The following SLC25A21 variants were observed in gnomAD, a reference collection of about 807,000 sequenced individuals.
The protein encoded by SLC25A21 is solute carrier family 25 member 21, also known as mitochondrial 2-oxodicarboxylate carrier.
In SLC25A21, 47 loss-of-function variants were observed where a neutral mutation model predicts 43.8. The observed-to-expected ratio is 1.07, with a 90% CI of 0.85 to 1.37. SLC25A21 has a LOEUF of 1.37. Among genes scored for constraint, SLC25A21 ranks in the 40% most tolerant of loss-of-function variants. SLC25A21 has a pLI of 0.00. For synonymous variants in SLC25A21, 131 were observed against 121.3 expected (o/e 1.08, Z -0.52); for missense variants, 352 against 350.2 (o/e 1.00, Z -0.04).
At chr14:37,063,800 GC>G (rs1962002397) in intron 1 of SLC25A21, among the ~76,000 whole-genome samples, 1 of 152,128 alleles carries the variant, frequency 6.6e-6, no homozygotes, top group South Asian at 2.1e-4. Flanking sequence ...TGTTGGCCTT[GC>G]CCTAAGGAGC....
At chr14:36,728,520 C>T (rs1475535925) in intron 5 of SLC25A21, among the ~76,000 whole-genome samples, 1 of 152,212 alleles carries the variant, frequency 6.6e-6, no homozygotes, top group African/African-American at 2.4e-5. Context: ...GGTATCACTG[C>T]TCCTCTCTAG....
At chr14:36,992,803 T>C (rs1960292735) in intron 1 of SLC25A21, among the ~76,000 whole-genome samples, 4 of 152,184 alleles carry the variant, frequency 2.6e-5, no homozygotes, top group Admixed American at 1.3e-4. Flanking sequence ...GACACAATGT[T>C]TAAGTATAGG....
intron 1 of SLC25A21, among the ~76,000 whole-genome samples, chr14:37,102,088 TTATATG>T (rs1205091554): frequency 6.6e-6 from 1 of 152,194 alleles, no homozygotes; most frequent in Non-Finnish European, 1.5e-5. Flanking sequence ...TATAACTTTA[TTATATG>T]TATAAGTTAA....
intron 6 of SLC25A21, among the ~76,000 whole-genome samples, chr14:36,721,502 C>T (rs1405013009): frequency 6.6e-6 from 1 of 152,176 alleles, no homozygotes. Context: ...GTACGCTATT[C>T]AAGGCCACAC....
chr14:37,152,777 A>G (rs903696594), intron 1 of SLC25A21, among the ~76,000 whole-genome samples: 3 of 152,218 alleles, frequency 2.0e-5, no homozygotes, highest in Admixed American at 1.3e-4. Context: ...ACAAACATGT[A>G]GAATATCAAT....
At chr14:36,918,397 C>T (rs112943297) in intron 1 of SLC25A21, among the ~76,000 whole-genome samples, 10 of 152,106 alleles carry the variant, frequency 6.6e-5, no homozygotes, top group Admixed American at 1.3e-4. Flanking sequence ...ATGATAAGCA[C>T]GTATTTCTCA....
chr14:36,997,840 T>C (rs1330922820), intron 1 of SLC25A21, among the ~76,000 whole-genome samples: 3 of 151,724 alleles, frequency 2.0e-5, no homozygotes, highest in East Asian at 3.9e-4. Flanking sequence ...AAAACAACTC[T>C]ATTATTTAAA....
chr14:36,836,531 C>T (rs541402427), intron 2 of SLC25A21, among the ~76,000 whole-genome samples: 7 of 152,184 alleles, frequency 4.6e-5, no homozygotes, highest in South Asian at 4.2e-4. Flanking sequence ...TGTACTTAAA[C>T]GTGTTGATAG....
At chr14:37,129,270 C>A (rs933125562) in intron 1 of SLC25A21, among the ~76,000 whole-genome samples, 2 of 152,212 alleles carry the variant, frequency 1.3e-5, no homozygotes, top group South Asian at 4.1e-4. Flanking sequence ...CTTTGATTTA[C>A]AACCTAGAAA....
At chr14:36,977,397 A>T (rs1959902520) in intron 1 of SLC25A21, among the ~76,000 whole-genome samples, 3 of 152,176 alleles carry the variant, frequency 2.0e-5, no homozygotes, top group Admixed American at 2.0e-4. Flanking sequence ...TGAATAAATT[A>T]AAAAGGAATT....
At chr14:36,889,192 A>C (rs1891009857) in intron 1 of SLC25A21, among the ~76,000 whole-genome samples, 1 of 152,154 alleles carries the variant, frequency 6.6e-6, no homozygotes. Flanking sequence ...AAGAGGGAGA[A>C]GGTTGACTCC....
chr14:36,858,708 C>A (rs1889977367), intron 2 of SLC25A21, among the ~76,000 whole-genome samples: 1 of 152,148 alleles, frequency 6.6e-6, no homozygotes, highest in Non-Finnish European at 1.5e-5. Context: ...GCAAACAAGA[C>A]CCTGACTATC....
chr14:36,803,839 T>C (rs545775037), intron 3 of SLC25A21, among the ~76,000 whole-genome samples: 1 of 152,294 alleles, frequency 6.6e-6, no homozygotes, highest in East Asian at 1.9e-4. Context: ...ATTTCATGTT[T>C]CATGAGGTTT....
chr14:36,917,442 T>C (rs1289581972), intron 1 of SLC25A21, among the ~76,000 whole-genome samples: 3 of 152,148 alleles, frequency 2.0e-5, no homozygotes, highest in Admixed American at 6.6e-5. Flanking sequence ...TAGTTGTTTA[T>C]ATCTTTTTCT....
At chr14:36,793,218 T>G (rs539264199) in intron 3 of SLC25A21, among the ~76,000 whole-genome samples, 1 of 152,148 alleles carries the variant, frequency 6.6e-6, no homozygotes, top group Non-Finnish European at 1.5e-5. Flanking sequence ...ATGTGGGGAC[T>G]GCAACAGGAG....
chr14:36,758,258 T>C (rs1352458761), intron 3 of SLC25A21, among the ~76,000 whole-genome samples: 1 of 152,116 alleles, frequency 6.6e-6, no homozygotes, highest in Non-Finnish European at 1.5e-5. Context: ...GGGCTCTACA[T>C]GATCTCCTGC....
chr14:36,750,423 C>T (rs753033715), intron 3 of SLC25A21, among the ~76,000 whole-genome samples: 1 of 152,162 alleles, frequency 6.6e-6, no homozygotes, highest in African/African-American at 2.4e-5. Flanking sequence ...GAACCTAATC[C>T]TAATGTTCAC....
At chr14:37,040,325 A>G (rs1961428582) in intron 1 of SLC25A21, among the ~76,000 whole-genome samples, 1 of 62,814 alleles carries the variant, frequency 1.6e-5, no homozygotes, top group African/African-American at 1.8e-4. Flanking sequence ...AGAAAGGAAG[A>G]GGGGAAGGAA....
intron 1 of SLC25A21, among the ~76,000 whole-genome samples, chr14:36,967,775 T>C (rs1272157490): frequency 6.6e-6 from 1 of 152,196 alleles, no homozygotes; most frequent in East Asian, 1.9e-4. Context: ...TCCCTGCCTG[T>C]GTGGAGACTG....
Sources: allele counts gnomAD v4.1 joint callset (sites outside exome capture counted in the v4.1 genomes callset), GRCh38; gene constraint gnomAD v4.1.1; transcripts MANE v1.5; gene names NCBI Gene and HGNC (gene_info 2026-07-23, HGNC 2026-07-21).